The following ADAM15 variants were observed in gnomAD, a reference collection of about 807,000 sequenced individuals.
ADAM15 encodes disintegrin and metalloproteinase domain-containing protein 15.
In ADAM15, 77 loss-of-function variants were observed where a neutral mutation model predicts 113.8. The ratio of observed to expected loss-of-function variants is 0.68; its 90% CI spans 0.56 to 0.82. The LOEUF (loss-of-function observed/expected upper bound fraction) is 0.82, where lower values mean the gene tolerates loss of function less well. ADAM15 is among the 40% of genes least tolerant of loss of function. The probability of loss-of-function intolerance (pLI) is 0.00; values close to 1 mark genes in which losing one functional copy is unlikely to be tolerated. For missense variants in ADAM15, 963 were observed against 1,120.1 expected, an observed-to-expected ratio of 0.86 and a Z score of 2.00; for synonymous variants, 388 against 454.1, an observed-to-expected ratio of 0.85 and a Z score of 1.85.
At chr1:155,059,448 AC>A (rs796245274) in intron 16 of ADAM15, among the ~76,000 whole-genome samples, 11 of 152,116 alleles carry the variant, frequency 7.2e-5, no homozygotes, top group African/African-American at 2.6e-4. Flanking sequence ...ACATAGTGAG[AC>A]CCCCATCTCT....
chr1:155,059,958 C>A lies in ADAM15; in HGVS notation c.2052C>A (p.Cys684Ter). ...AGGAGGGCTGGGCACCCCCTGACTG[C>A]ACCACTCAGCTCAAAGGTAGCATGG... ...YCEEGWAPPD[C>*]TTQLKATSSL... Residue 684 changes from cysteine (C) to a stop codon, truncating the protein, a stop_gained, in exon 17 of 23, where the codon TGC becomes TGA. Transcript: ENST00000356955. LOFTEE classifies it high-confidence loss of function. 1 of 1,614,076 alleles carries A rather than the reference C, an allele frequency of 6.2e-7. No individual in the cohort carries two copies.
At position 155,054,326 on chromosome 1, in the gene ADAM15, C is replaced by T; in HGVS notation, c.432C>T (p.Val144=). The T allele has an allele frequency of 6.3e-7, 1 of 1,594,160 alleles. No individual in the cohort carries two copies. The change falls in exon 6 of 23, where the codon GTC becomes GTT. Residue 144 remains valine, a synonymous_variant. Coordinates refer to ENST00000356955, the MANE Select transcript of ADAM15 (RefSeq NM_207197.3). ...CTCSGLRGLV[V]LTPERSYTLE... ...TCTTTTTTCTTAGAGGCTTGGTGGT[C>T]CTGACCCCAGAGAGAAGCTATACCC...
rs1469646478 is a variant in ADAM15 at position 155,058,179 on chromosome 1, C to T, written c.1721+24C>T. The T allele has an allele frequency of 6.2e-7, 1 of 1,611,440 alleles. No individual in the cohort carries two copies. Among genetic ancestry groups the T allele is most frequent in the Non-Finnish European group, 8.5e-7 (1 of 1,178,198 alleles). ...AGGTAAGTGAGGAAACCTGGCTCCT[C>T]CTTTGGGTTTCTGAGAGCCTTGGCC... On this transcript the variant is annotated intron_variant, in intron 14 of 22. Transcript: ENST00000356955. This position sits in a 1 kb window ranked among gnomAD's most constrained non-coding sequence, Gnocchi z 4.3.
Position 155,058,458 on chromosome 1 carries a change from G to A in ADAM15, c.1917+17G>A. On this transcript the variant is annotated intron_variant, in intron 15 of 22. Transcript: ENST00000356955. This position sits in a 1 kb window ranked among gnomAD's most constrained non-coding sequence, Gnocchi z 4.3. ...CCTGGCCTGGTGAGCAGCCTGGGTG[G>A]GCAAGACCAGGTGTGAGAAGGGACA... 2 of 1,608,198 alleles carry A rather than the reference G, an allele frequency of 1.2e-6. No individual in the cohort carries two copies. The highest frequency in any genetic ancestry group is 8.5e-7 in the Non-Finnish European group (1 of 1,179,808).
At chr1:155,060,437 C>T (rs559079851) in intron 18 of ADAM15, 94 bp downstream of exon 18, 5 of 1,543,154 alleles carry the variant, frequency 3.2e-6, no homozygotes, top group Non-Finnish European at 4.4e-6. Flanking sequence ...TGGTTCTGAG[C>T]CCCAGGCCCC....
At position 155,058,428 on chromosome 1, in the gene ADAM15, G is replaced by T. The variant is rs202064461; in HGVS notation, c.1904G>T (p.Cys635Phe). The change falls in exon 15 of 23, where the codon TGT (cysteine) becomes TTT (phenylalanine). Residue 635 changes from cysteine to phenylalanine, a missense_variant. Coordinates refer to ENST00000356955, the MANE Select transcript of ADAM15 (RefSeq NM_207197.3). The surrounding 1 kb of genome is among the most constrained non-coding windows in gnomAD (Gnocchi z 4.3). ...CTCCTGACTCTGCCTGGCACAGCCT[G>T]TGGCCCTGGCCTGGTGAGCAGCCTG... ...QPLLTLPGTA[C>F]GPGLVCIDHR... is the part of the protein sequence containing the mutation. The T allele has an allele frequency of 1.2e-6, 2 of 1,612,078 alleles. No individual in the cohort carries two copies. Among genetic ancestry groups the T allele is most frequent in the Non-Finnish European group, 1.7e-6 (2 of 1,180,014 alleles).
rs912307150 is a variant in ADAM15 at position 155,058,574 on chromosome 1, G to A, written c.1917+133G>A. The A allele has an allele frequency of 2.1e-4, 329 of 1,550,234 alleles. No individual in the cohort carries two copies. The highest frequency in any genetic ancestry group is 2.6e-4 in the Non-Finnish European group (299 of 1,148,446). On this transcript the variant is annotated intron_variant, in intron 15 of 22. Transcript: ENST00000356955. This position sits in a 1 kb window ranked among gnomAD's most constrained non-coding sequence, Gnocchi z 4.3. ...GGAAGTCAGTTTCTTACTTCAGATG[G>A]AGCAAAGTCCTATCAACTCACTATG... is the stretch of plus-strand genomic sequence containing the variant.
rs1161265312 is a variant in ADAM15 at position 155,059,916 on chromosome 1, C to T, written c.2010C>T (p.Asn670=). 10 of 1,613,952 alleles carry T rather than the reference C, an allele frequency of 6.2e-6. No individual in the cohort carries two copies. The highest frequency in any genetic ancestry group is 6.8e-6 in the Non-Finnish European group (8 of 1,179,954). ...KCHGHGVCDS[N]RHCYCEEGWA... ...GTACCTCCTAGGTCTGTGACAGCAA[C>T]AGGCACTGCTACTGTGAGGAGGGCT... is the stretch of plus-strand genomic sequence containing the variant. The change falls in exon 17 of 23, where the codon AAC becomes AAT. Residue 670 remains asparagine (N), a synonymous_variant. Transcript: ENST00000356955.
chr1:155,057,788 G>C lies in ADAM15; in HGVS notation c.1416+59G>C. On this transcript the variant is annotated intron_variant, in intron 13 of 22. Transcript: ENST00000356955. This position sits in a 1 kb window ranked among gnomAD's most constrained non-coding sequence, Gnocchi z 5.0. ...ACCTGCCGGGGCCAAGGTGGAAAGGGTCATTCTGACCCCCGGCTGGATTTG... is the reference window on the plus strand; with the variant it reads ...ACCTGCCGGGGCCAAGGTGGAAAGGCTCATTCTGACCCCCGGCTGGATTTG... 1 of 1,613,622 alleles carries C rather than the reference G, an allele frequency of 6.2e-7. No homozygotes were observed. The highest frequency in any genetic ancestry group is 1.1e-5 in the South Asian group (1 of 91,080).
Position 155,057,969 on chromosome 1 carries a change from G to A in ADAM15, c.1535G>A (p.Cys512Tyr). 6.2e-7 allele frequency: 1 copy of A among 1,612,818 alleles called. No individual in the cohort carries two copies. Among genetic ancestry groups the A allele is most frequent in the Non-Finnish European group, 8.5e-7 (1 of 1,180,040 alleles). ...PDVSLGDGEPCAGGQAVCMHG... is the reference protein window; with the variant it reads ...PDVSLGDGEPYAGGQAVCMHG... ...GTCAGCCTAGGGGATGGCGAGCCCT[G>A]CGCTGGCGGGCAAGCTGTGTGCATG... Residue 512 changes from cysteine to tyrosine, a missense_variant, in exon 14 of 23, where the codon TGC (cysteine) becomes TAC (tyrosine). Physicochemically the swap from Cys to Tyr is radical, Grantham distance 194. Coordinates refer to ENST00000356955, the MANE Select transcript of ADAM15 (RefSeq NM_207197.3). This position sits in a 1 kb window ranked among gnomAD's most constrained non-coding sequence, Gnocchi z 5.0.
At chr1:155,054,527 G>T (rs377279938) in intron 6 of ADAM15, 21 bp downstream of exon 6, 1 of 1,541,038 alleles carries the variant, frequency 6.5e-7, no homozygotes, top group African/African-American at 1.4e-5. Flanking sequence ...ATGGCAGGGG[G>T]GTGGGCTTTG....
intron 16 of ADAM15, 23 bp from the exon 17 acceptor site, chr1:155,059,879 A>C (rs747393788): frequency 1.9e-6 from 3 of 1,612,210 alleles, no homozygotes; most frequent in Non-Finnish European, 2.5e-6. Context: ...AGAGCTCCTC[A>C]TTGCTCGCCT....
In ADAM15 at chr1:155,054,382, C is replaced by G. The variant is rs558985302; in HGVS notation, c.488C>G (p.Pro163Arg). 1.2e-6 allele frequency: 2 copies of G among 1,611,168 alleles called. No homozygotes were observed. The highest frequency in any genetic ancestry group is 1.1e-5 in the South Asian group (1 of 90,480). Residue 163 changes from proline to arginine, a missense_variant, in exon 6 of 23, where the codon CCT (proline) becomes CGT (arginine). By Grantham distance (103) the Pro-to-Arg change is moderately radical. Coordinates refer to ENST00000356955, the MANE Select transcript of ADAM15 (RefSeq NM_207197.3). ...LEQGPGDLQGPPIISRIQDLH... is the reference protein window; with the variant it reads ...LEQGPGDLQGRPIISRIQDLH... ...CAGGGGCCTGGGGACCTTCAGGGTC[C>G]TCCCATTATTTCGCGAATCCAAGAT...
intron 16 of ADAM15, among the ~76,000 whole-genome samples, chr1:155,059,222 C>A (rs754094479): frequency 1.3e-5 from 2 of 152,164 alleles, no homozygotes; most frequent in Non-Finnish European, 2.9e-5. Context: ...CACCCGCCAC[C>A]ATGCCCAGCT....
chr1:155,059,732 T>C (rs1407647104), intron 16 of ADAM15, among the ~76,000 whole-genome samples, 170 bp from the exon 17 acceptor site: 1 of 152,204 alleles, frequency 6.6e-6, no homozygotes, highest in East Asian at 1.9e-4. Context: ...CAGTAAGTGT[T>C]AGTTTGATCT....
Position 155,061,887 on chromosome 1 carries a change from C to T in ADAM15, c.2353-17C>T, listed in dbSNP as rs756158047. On this transcript the variant is annotated splice_polypyrimidine_tract_variant and intron_variant, in intron 20 of 22. Coordinates refer to ENST00000356955, the MANE Select transcript of ADAM15 (RefSeq NM_207197.3). ...CCTGGTTATGCTCTCACAGCCACTGCCCCTCTCTCTGTTCAGGCTGAGCTG... is the reference window on the plus strand; with the variant it reads ...CCTGGTTATGCTCTCACAGCCACTGTCCCTCTCTCTGTTCAGGCTGAGCTG... The T allele has an allele frequency of 2.0e-5, 30 of 1,510,242 alleles. No homozygotes were observed. The South Asian group carries it at 3.3e-4, about 17-fold the overall frequency. 93.6% of individuals were successfully genotyped at this position (1,510,242 alleles called of 1,614,324 possible).
chr1:155,058,276 G>T lies in ADAM15; in HGVS notation c.1752G>T (p.Gln584His), dbSNP rs1662070544. 1.2e-6 allele frequency: 2 copies of T among 1,614,118 alleles called. No homozygotes were observed. Among genetic ancestry groups the T allele is most frequent in the Admixed American group, 1.7e-5 (1 of 60,030 alleles). The change falls in exon 15 of 23, where the codon CAG (glutamine) becomes CAT (histidine). Residue 584 changes from glutamine to histidine, a missense_variant. Gln to His is a conservative substitution (Grantham distance 24). Coordinates refer to ENST00000356955, the MANE Select transcript of ADAM15 (RefSeq NM_207197.3). The surrounding 1 kb of genome is among the most constrained non-coding windows in gnomAD (Gnocchi z 4.3). ...CCATTTGTGGGCAGCTCCAGTGCCAGACAGGTAGGACCCAGCCTCTGCTGG... is the reference window on the plus strand; with the variant it reads ...CCATTTGTGGGCAGCTCCAGTGCCATACAGGTAGGACCCAGCCTCTGCTGG... Reference protein sequence around the residue: ...RDAICGQLQCQTGRTQPLLGS... With the variant: ...RDAICGQLQCHTGRTQPLLGS...
Position 155,056,581 on chromosome 1 carries a change from T to C in ADAM15, c.999+111T>C. ...AGTTGCCCAACCCCAAAGCTACAGG[T>C]ATAGAGGGTGGAGGTACGTGATGTG... On this transcript the variant is annotated intron_variant, in intron 10 of 22. Coordinates refer to ENST00000356955, the MANE Select transcript of ADAM15 (RefSeq NM_207197.3). The surrounding 1 kb of genome is among the most constrained non-coding windows in gnomAD (Gnocchi z 4.0). The C allele has an allele frequency of 9.5e-7, 1 of 1,056,686 alleles. No homozygotes were observed. Among genetic ancestry groups the C allele is most frequent in the Non-Finnish European group, 1.4e-6 (1 of 716,748 alleles). The allele number at this position is 1,056,686 out of a possible 1,614,324, so 65.5% of individuals were successfully genotyped here. A position where few individuals can be genotyped will look rare whatever the true frequency, so the allele number is the denominator to read the frequency against.
chr1:155,054,522 AG>A lies in ADAM15; in HGVS notation c.612+22del, dbSNP rs765481556. On this transcript the variant is annotated intron_variant, in intron 6 of 22. Transcript: ENST00000356955. The stretch of plus-strand genomic sequence containing the variant: ...CATTCGCCGGGTGAGGATGAATGGC[AG>A]GGGGGTGGGCTTTGGTTGTCTTGAG... 1.5e-5 allele frequency: 24 copies of A among 1,550,094 alleles called. No individual in the cohort carries two copies. The Admixed American group carries it at 1.8e-4, about 11-fold the overall frequency.
Sources: gnomAD v4.1 joint callset for allele counts (sites outside exome capture counted in the v4.1 genomes callset) on GRCh38, gnomAD v4.1.1 for gene constraint, Gnocchi (gnomAD v3.1) non-coding constraint, MANE v1.5 for transcripts, NCBI Gene and HGNC (gene_info 2026-07-23, HGNC 2026-07-21) for gene names.